Variants in THRB observed in about 807,000 individuals in gnomAD.
THRB encodes the protein thyroid hormone receptor beta, also known as nuclear receptor subfamily 1 group A member 2.
THRB carries 12 observed loss-of-function variants against 47.8 expected under a neutral mutation model. The observed-to-expected ratio is 0.25, with a 90% CI of 0.16 to 0.41. The LOEUF (loss-of-function observed/expected upper bound fraction) is 0.41, where lower values mean the gene tolerates loss of function less well. Among genes scored for constraint, THRB ranks in the 10% least tolerant of loss-of-function variants. The pLI is 1.00. For synonymous variants in THRB, 218 were observed against 212.2 expected (o/e 1.03, Z -0.24); for missense variants, 348 against 589.2 (o/e 0.59, Z 4.24).
intron 8 of THRB, 105 bp from the exon 9 acceptor site, chr3:24,133,567 C>G: frequency 9.8e-7 from 1 of 1,019,418 alleles, no homozygotes; most frequent in Non-Finnish European, 1.5e-6. Context: ...ATATCCTGTA[C>G]AGTTTCCAGT....
intron 10 of THRB, among the ~76,000 whole-genome samples, chr3:24,126,476 A>C (rs868391607): frequency 3.9e-5 from 6 of 152,230 alleles, no homozygotes; most frequent in South Asian, 2.1e-4. Flanking sequence ...TTATCCACAT[A>C]TTCAGCCATT....
chr3:24,346,609 G>C (rs1168382643), intron 1 of THRB, among the ~76,000 whole-genome samples: 1 of 151,910 alleles, frequency 6.6e-6, no homozygotes. Flanking sequence ...AGAAAAAAAG[G>C]ATTGAAAAAA....
At chr3:24,495,703 C>CCCGGCCCGA (rs1272283841), upstream of THRB, 42 of 152,460 alleles carry the variant, frequency 2.8e-4, no homozygotes, top group African/African-American at 7.9e-4. Flanking sequence ...GCCTTCTTTG[C>CCCGGCCCGA]CCGGCCCGAC....
chr3:24,426,002 C>G (rs2150338178), intron 1 of THRB, among the ~76,000 whole-genome samples: 1 of 151,984 alleles, frequency 6.6e-6, no homozygotes, highest in South Asian at 2.1e-4. Context: ...AGTTCTTAAT[C>G]CCTCTGGTCC....
At chr3:24,229,954 T>C (rs2048085808) in intron 3 of THRB, among the ~76,000 whole-genome samples, 1 of 152,136 alleles carries the variant, frequency 6.6e-6, no homozygotes, top group African/African-American at 2.4e-5. Context: ...TTCTTCAGTG[T>C]AAGATGAGGA....
rs1270870896 is a variant in THRB, at chr3:24,143,633, T to C, written c.606A>G (p.Glu202=). 1 of 1,614,190 alleles carries C rather than the reference T, an allele frequency of 6.2e-7. No homozygotes were observed. The highest frequency in any genetic ancestry group is 1.1e-5 in the South Asian group (1 of 91,080). ...IEENREKRRR[E]ELQKSIGHKP... is the part of the protein sequence containing the mutation. ...TGTGCCCGATGGACTTCTGCAGCTC[T>C]TCCCGCCGTCTTTTCTCCCGGTTCT... Residue 202 remains glutamate, a synonymous_variant, in exon 8 of 11, where the codon GAA becomes GAG. Coordinates refer to ENST00000646209, the MANE Select transcript of THRB (RefSeq NM_001354712.2).
intron 1 of THRB, among the ~76,000 whole-genome samples, chr3:24,450,187 ATGTACAAC>A (rs2072510519): frequency 6.6e-6 from 1 of 152,230 alleles, no homozygotes; most frequent in African/African-American, 2.4e-5. Context: ...CACAGGTATA[ATGTACAAC>A]TGTACCTTAG....
intron 3 of THRB, among the ~76,000 whole-genome samples, chr3:24,285,801 A>G (rs1195497103): frequency 6.6e-6 from 1 of 152,110 alleles, no homozygotes; most frequent in African/African-American, 2.4e-5. Flanking sequence ...ATTGATTCCT[A>G]AGGTTAGAGT....
rs541600260 is a variant in THRB at position 24,444,880 on chromosome 3, G to A, written c.-261+49772C>T. Among the ~76,000 whole-genome samples, 6 of 152,194 alleles carry A rather than the reference G, an allele frequency of 3.9e-5. No homozygotes were observed. The East Asian group carries it at 5.8e-4, about 15-fold the overall frequency. On this transcript the variant is annotated intron_variant, in intron 1 of 10. Transcript: ENST00000646209. ...ATTACAGGCATGAGGCACCGTGCCCGGTCCAAGATTTTTTAAATTTGAAAA... is the reference window on the plus strand; with the variant it reads ...ATTACAGGCATGAGGCACCGTGCCCAGTCCAAGATTTTTTAAATTTGAAAA...
intron 1 of THRB, among the ~76,000 whole-genome samples, chr3:24,487,434 A>G (rs1697477176): frequency 6.6e-6 from 1 of 152,166 alleles, no homozygotes; most frequent in Non-Finnish European, 1.5e-5. Flanking sequence ...TTTATAATGC[A>G]TGCTAGTATA....
chr3:24,282,970 C>G (rs2054789497), intron 3 of THRB, among the ~76,000 whole-genome samples: 1 of 151,876 alleles, frequency 6.6e-6, no homozygotes, highest in Non-Finnish European at 1.5e-5. Flanking sequence ...GAGTCCAGGA[C>G]CAGATGGATT....
At chr3:24,321,567 C>G (rs191436200) in intron 2 of THRB, among the ~76,000 whole-genome samples, 47 of 152,026 alleles carry the variant, frequency 3.1e-4, no homozygotes, top group Non-Finnish European at 5.9e-4. Flanking sequence ...TCAGGAGGGT[C>G]TAAGACGGGC....
chr3:24,417,246 AT>A (rs2068835107), intron 1 of THRB, among the ~76,000 whole-genome samples: 1 of 151,884 alleles, frequency 6.6e-6, no homozygotes, highest in African/African-American at 2.4e-5. Context: ...ATAATTGTGT[AT>A]TTATGCAAGT....
rs150444266 is a variant in THRB, at chr3:24,299,772, TATTTATTTATTTA to T, written c.-188-2414_-188-2402del. Reference sequence around the variant, plus strand: ...AGGCTTCTGGGGAAGTATGCTTTTTTATTTATTTATTTATTTATTTTTTTTTTTTTAGCAAACA... The same window carrying T: ...AGGCTTCTGGGGAAGTATGCTTTTTTTTTATTTTTTTTTTTTTAGCAAACA... On this transcript the variant is annotated intron_variant, in intron 2 of 10. Coordinates refer to ENST00000646209, the MANE Select transcript of THRB (RefSeq NM_001354712.2). 4.6e-3 allele frequency among the ~76,000 whole-genome samples: 548 copies of T among 118,436 alleles called. 127 individuals carry two copies. Among genetic ancestry groups the T allele is most frequent in the African/African-American group, 0.011 (309 of 29,198 alleles). 77.7% of individuals were successfully genotyped at this position (118,436 alleles called of 152,430 possible). A position where few individuals can be genotyped will look rare whatever the true frequency, so the allele number is the denominator to read the frequency against.
rs2031088575 is a variant in THRB, at chr3:24,118,769, T to G, written c.*4115A>C. The G allele has an allele frequency of 6.5e-6, 1 of 152,686 alleles. No homozygotes were observed. The highest frequency in any genetic ancestry group is 2.1e-4 in the South Asian group (1 of 4,834). The allele number at this position is 152,686 out of a possible 1,614,324, so 9.5% of individuals were successfully genotyped here. A position where few individuals can be genotyped will look rare whatever the true frequency, so the allele number is the denominator to read the frequency against. ...ATCCTGAGGAGGACAGATTTATATT[T>G]GATTGTCTTGTGCATAGGGTGGGTC... On this transcript the variant is annotated 3_prime_UTR_variant, in exon 11 of 11. Coordinates refer to ENST00000646209, the MANE Select transcript of THRB (RefSeq NM_001354712.2).
chr3:24,415,425 T>G (rs1183992871), intron 1 of THRB, among the ~76,000 whole-genome samples: 1 of 151,886 alleles, frequency 6.6e-6, no homozygotes, highest in Non-Finnish European at 1.5e-5. Context: ...CCATAAGGAA[T>G]CTATCCCCTT....
At chr3:24,359,626 C>A (rs1385650029) in intron 1 of THRB, among the ~76,000 whole-genome samples, 1 of 152,048 alleles carries the variant, frequency 6.6e-6, no homozygotes, top group Non-Finnish European at 1.5e-5. Flanking sequence ...AGTTTAACAA[C>A]TCTAGACTTT....
At chr3:24,136,582 T>C (rs2034706359) in intron 8 of THRB, among the ~76,000 whole-genome samples, 1 of 152,238 alleles carries the variant, frequency 6.6e-6, no homozygotes, top group African/African-American at 2.4e-5. Flanking sequence ...TATCTTATTA[T>C]AGCTAATAGC....
In THRB at chr3:24,122,842, C is replaced by T. The variant is rs368030744; in HGVS notation, c.*42G>A. On this transcript the variant is annotated 3_prime_UTR_variant, in exon 11 of 11. Transcript: ENST00000646209. ...AGCTAGGCAATGGAATGAAATGACA[C>T]CCAGTAGTGCTGTAGGAATTATGAG... The T allele has an allele frequency of 1.4e-5, 23 of 1,613,816 alleles. No homozygotes were observed. Among genetic ancestry groups the T allele is most frequent in the African/African-American group, 6.7e-5 (5 of 74,896 alleles).
Sources: allele counts gnomAD v4.1 joint callset (sites outside exome capture counted in the v4.1 genomes callset), GRCh38; gene constraint gnomAD v4.1.1; transcripts MANE v1.5; gene names NCBI Gene and HGNC (gene_info 2026-07-23, HGNC 2026-07-21).